Variants in KCNQ5 observed in about 807,000 individuals in gnomAD.
The protein encoded by KCNQ5 is potassium voltage-gated channel subfamily KQT member 5.
A neutral mutation model predicts 98.2 loss-of-function variants in KCNQ5; 30 were observed. The ratio of observed to expected loss-of-function variants is 0.31; its 90% CI spans 0.23 to 0.41. The LOEUF (loss-of-function observed/expected upper bound fraction) is 0.41, where lower values mean the gene tolerates loss of function less well. Among genes scored for constraint, KCNQ5 ranks in the 10% least tolerant of loss-of-function variants. The pLI is 1.00. For missense variants in KCNQ5, 835 were observed against 1,182.5 expected (o/e 0.71, Z 4.31); for synonymous variants, 458 against 449.4 (o/e 1.02, Z -0.24).
chr6:72,979,781 T>C (rs1768345126), intron 1 of KCNQ5, among the ~76,000 whole-genome samples: 1 of 152,100 alleles, frequency 6.6e-6, no homozygotes, highest in African/African-American at 2.4e-5. Context: ...AATGCCTAGG[T>C]TTTCTTCTAG....
chr6:72,927,474 AAAC>A (rs949368929), intron 1 of KCNQ5, among the ~76,000 whole-genome samples: 2 of 152,118 alleles, frequency 1.3e-5, no homozygotes, highest in Non-Finnish European at 2.9e-5. Context: ...AGATTTCTAC[AAAC>A]AACAGCTTTT....
intron 13 of KCNQ5, among the ~76,000 whole-genome samples, chr6:73,193,464 A>AAAAAT (rs397976608): frequency 0.13 from 16,589 of 126,602 alleles, 1,606 homozygotes; most frequent in East Asian, 0.27. Context: ...TGTCTCTACT[A>AAAAAT]AAAATAAAAT....
At chr6:72,634,573 T>C (rs994422078) in intron 1 of KCNQ5, among the ~76,000 whole-genome samples, 1 of 152,222 alleles carries the variant, frequency 6.6e-6, no homozygotes, top group African/African-American at 2.4e-5. Flanking sequence ...TTTGTTTGTT[T>C]GTTTGTTTTA....
chr6:72,797,647 G>A (rs1280585019), intron 1 of KCNQ5, among the ~76,000 whole-genome samples: 6 of 152,058 alleles, frequency 3.9e-5, no homozygotes, highest in Non-Finnish European at 7.4e-5. Context: ...GCCAATTGAG[G>A]TTTTAATTGT....
chr6:72,628,904 C>T (rs1444379479), intron 1 of KCNQ5, among the ~76,000 whole-genome samples: 2 of 152,160 alleles, frequency 1.3e-5, no homozygotes, highest in Non-Finnish European at 2.9e-5. Flanking sequence ...TGAGCCACCA[C>T]ACCTGGCCCA....
At chr6:72,653,874 T>C (rs771646220) in intron 1 of KCNQ5, among the ~76,000 whole-genome samples, 7 of 152,196 alleles carry the variant, frequency 4.6e-5, no homozygotes, top group Non-Finnish European at 1.0e-4. Context: ...AAATTACATA[T>C]CTTTGTACTC....
chr6:72,665,599 G>A (rs1374640654), intron 1 of KCNQ5, among the ~76,000 whole-genome samples: 2 of 152,088 alleles, frequency 1.3e-5, no homozygotes, highest in Admixed American at 6.6e-5. Context: ...GACTCACATG[G>A]GGGCATTAGA....
chr6:73,034,014 C>T (rs2150350516), intron 2 of KCNQ5, among the ~76,000 whole-genome samples: 1 of 152,290 alleles, frequency 6.6e-6, no homozygotes, highest in South Asian at 2.1e-4. Context: ...TTTCTGCTCT[C>T]CAAAGAGACA....
intron 2 of KCNQ5, among the ~76,000 whole-genome samples, chr6:73,022,598 G>C (rs955390244): frequency 6.6e-6 from 1 of 151,968 alleles, no homozygotes; most frequent in Non-Finnish European, 1.5e-5. Context: ...GACAGAATGA[G>C]TTTCTGTCTC....
At chr6:72,782,633 C>T (rs539616257) in intron 1 of KCNQ5, among the ~76,000 whole-genome samples, 22 of 152,110 alleles carry the variant, frequency 1.4e-4, no homozygotes, top group Non-Finnish European at 2.9e-4. Flanking sequence ...ATGTTTCCTG[C>T]TCAGAAAGTC....
intron 1 of KCNQ5, among the ~76,000 whole-genome samples, chr6:72,811,496 G>A (rs1029009702): frequency 9.9e-5 from 15 of 151,946 alleles, no homozygotes; most frequent in African/African-American, 3.6e-4. Flanking sequence ...AATGATATAC[G>A]CAAGCATCTC....
At chr6:72,736,724 C>T (rs1183228459) in intron 1 of KCNQ5, among the ~76,000 whole-genome samples, 4 of 151,170 alleles carry the variant, frequency 2.6e-5, no homozygotes, top group African/African-American at 9.8e-5. Context: ...TGGTCTCGAT[C>T]TCCTGACCTC....
At chr6:73,181,548 TG>T (rs1203489419) in intron 11 of KCNQ5, among the ~76,000 whole-genome samples, 6 of 152,240 alleles carry the variant, frequency 3.9e-5, no homozygotes, top group Admixed American at 3.9e-4. Context: ...ACTTCTTGCA[TG>T]AAACTTTAGA....
At chr6:73,021,772 G>A (rs1399535966) in intron 2 of KCNQ5, among the ~76,000 whole-genome samples, 3 of 152,100 alleles carry the variant, frequency 2.0e-5, no homozygotes, top group Non-Finnish European at 4.4e-5. Context: ...TGCAATTTTA[G>A]CAGTATTAAA....
At chr6:72,942,912 C>T (rs1766373696) in intron 1 of KCNQ5, among the ~76,000 whole-genome samples, 1 of 152,160 alleles carries the variant, frequency 6.6e-6, no homozygotes, top group Non-Finnish European at 1.5e-5. Context: ...TCACTTTATG[C>T]CGTATTTGGC....
intron 2 of KCNQ5, among the ~76,000 whole-genome samples, chr6:73,009,291 C>T (rs1769954646): frequency 6.6e-6 from 1 of 151,964 alleles, no homozygotes; most frequent in Non-Finnish European, 1.5e-5. Flanking sequence ...TGTGCCCAGC[C>T]TAAACAGCAT....
At chr6:72,988,234 A>G (rs558222616) in intron 1 of KCNQ5, among the ~76,000 whole-genome samples, 2 of 152,328 alleles carry the variant, frequency 1.3e-5, no homozygotes, top group South Asian at 2.1e-4. Context: ...AATGGGTGCT[A>G]TTATTATCCG....
chr6:72,622,233 G>A lies in KCNQ5; in HGVS notation c.44G>A (p.Gly15Glu). The change falls in exon 1 of 14, where the codon GGG becomes GAG. Residue 15 changes from glycine (G) to glutamate (E), a missense_variant. By Grantham distance (98) the Gly-to-Glu change is moderately conservative. Transcript: ENST00000370398. This position sits in a 1 kb window ranked among gnomAD's most constrained non-coding sequence, Gnocchi z 6.0. ...HAGGEEGGAA[G>E]LWVKSGAAAA... ...GGAGGAGAGGAGGGCGGCGCCGCCG[G>A]GCTCTGGGTGAAGAGCGGCGCAGCG... 1.6e-6 allele frequency: 2 copies of A among 1,240,670 alleles called. No individual in the cohort carries two copies. Among genetic ancestry groups the A allele is most frequent in the Non-Finnish European group, 2.0e-6 (2 of 994,334 alleles). The allele number at this position is 1,240,670 out of a possible 1,614,324, so 76.9% of individuals were successfully genotyped here.
chr6:73,042,107 C>A (rs374895272), intron 3 of KCNQ5, 45 bp downstream of exon 3: 131 of 1,607,586 alleles, frequency 8.1e-5, no homozygotes, highest in Non-Finnish European at 1.1e-4. Flanking sequence ...CACCAACATT[C>A]TTGTCTTCTA....
Sources: gnomAD v4.1 joint callset for allele counts (sites outside exome capture counted in the v4.1 genomes callset) on GRCh38, gnomAD v4.1.1 for gene constraint, Gnocchi (gnomAD v3.1) non-coding constraint, MANE v1.5 for transcripts, NCBI Gene and HGNC (gene_info 2026-07-23, HGNC 2026-07-21) for gene names.